The following POPDC1 variants were observed in gnomAD, a reference collection of about 807,000 sequenced individuals.
POPDC1 encodes the protein popeye domain cAMP effector 1, also known as popeye domain-containing protein 1.
the POPDC1 span, among the ~76,000 whole-genome samples, chr6:105,109,132 A>AT: frequency 6.6e-6 from 1 of 151,804 alleles, no homozygotes; most frequent in Non-Finnish European, 1.5e-5. Context: ...TATTTTTTGT[A>AT]TTTTTTGTAG....
At chr6:105,109,592 G>A in the POPDC1 span, among the ~76,000 whole-genome samples, 1 of 151,362 alleles carries the variant, frequency 6.6e-6, no homozygotes, top group Admixed American at 6.6e-5. Flanking sequence ...ACAAAAATTA[G>A]CCAGCCATGG....
the POPDC1 span, chr6:105,136,865 G>C: frequency 1.3e-5 from 2 of 152,208 alleles, no homozygotes; most frequent in Non-Finnish European, 2.9e-5. Context: ...TCCCCGAGGG[G>C]CTGAGATCCA....
At chr6:105,116,842 G>T in the POPDC1 span, 4 of 1,612,232 alleles carry the variant, frequency 2.5e-6, no homozygotes, top group Middle Eastern at 1.7e-4. Flanking sequence ...ATAAAAATCT[G>T]CAGTTATCAT....
At chr6:105,112,983 T>G in the POPDC1 span, among the ~76,000 whole-genome samples, 3 of 151,930 alleles carry the variant, frequency 2.0e-5, no homozygotes, top group African/African-American at 7.3e-5. Flanking sequence ...CAGGCTTCCG[T>G]GCAGTGGCTC....
chr6:105,113,736 C>A, the POPDC1 span, among the ~76,000 whole-genome samples: 2 of 151,818 alleles, frequency 1.3e-5, no homozygotes, highest in East Asian at 3.9e-4. Context: ...GCCTGAAATC[C>A]CAGCACCCGA....
chr6:105,124,605 G>T, the POPDC1 span: 5 of 1,612,764 alleles, frequency 3.1e-6, no homozygotes, highest in Admixed American at 8.3e-5. Flanking sequence ...ATCTATAAAG[G>T]CACAGGGGTA....
chr6:105,126,810 C>T, the POPDC1 span, among the ~76,000 whole-genome samples: 5 of 152,162 alleles, frequency 3.3e-5, no homozygotes, highest in African/African-American at 1.2e-4. Context: ...CACTGCTTCA[C>T]ATTTATATAC....
At chr6:105,134,021 A>C in the POPDC1 span, among the ~76,000 whole-genome samples, 1 of 152,116 alleles carries the variant, frequency 6.6e-6, no homozygotes, top group Non-Finnish European at 1.5e-5. Context: ...ACACAGGAAA[A>C]ATAACTAGAA....
chr6:105,110,125 A>G, the POPDC1 span, among the ~76,000 whole-genome samples: 2 of 152,308 alleles, frequency 1.3e-5, no homozygotes, highest in Admixed American at 1.3e-4. Context: ...TGGGGGAGAC[A>G]TGGTCATATT....
chr6:105,098,548 T>C, the POPDC1 span: 10 of 152,354 alleles, frequency 6.6e-5, no homozygotes, highest in South Asian at 1.9e-3. Flanking sequence ...AACACATGCA[T>C]TACTTTCTAC....
At chr6:105,122,501 G>C in the POPDC1 span, among the ~76,000 whole-genome samples, 1 of 152,154 alleles carries the variant, frequency 6.6e-6, no homozygotes, top group African/African-American at 2.4e-5. Context: ...AGAAAAGATA[G>C]TATATTAGTA....
the POPDC1 span, chr6:105,125,323 C>T: frequency 6.5e-7 from 1 of 1,545,300 alleles, no homozygotes; most frequent in East Asian, 2.3e-5. Flanking sequence ...CTCCCATTCA[C>T]TTCCTTCCCA....
the POPDC1 span, among the ~76,000 whole-genome samples, chr6:105,135,940 A>C: frequency 1.3e-5 from 2 of 152,190 alleles, no homozygotes; most frequent in Non-Finnish European, 2.9e-5. Context: ...ATTTTGACTA[A>C]ATCAAGAGAA....
At chr6:105,115,086 G>A in the POPDC1 span, among the ~76,000 whole-genome samples, 1 of 152,202 alleles carries the variant, frequency 6.6e-6, no homozygotes, top group Non-Finnish European at 1.5e-5. Flanking sequence ...ATTCTGGTGA[G>A]CCACTATTTT....
chr6:105,128,847 T>A, the POPDC1 span, among the ~76,000 whole-genome samples: 1 of 152,230 alleles, frequency 6.6e-6, no homozygotes. Flanking sequence ...CTCTTTCTAT[T>A]CTTGGTATGA....
At chr6:105,103,909 G>A in the POPDC1 span, among the ~76,000 whole-genome samples, 8 of 152,188 alleles carry the variant, frequency 5.3e-5, no homozygotes, top group African/African-American at 1.9e-4. Flanking sequence ...AACTTCCCAA[G>A]AGCTTTCAGC....
At chr6:105,125,479 T>C in the POPDC1 span, 31 of 1,614,092 alleles carry the variant, frequency 1.9e-5, no homozygotes, top group Non-Finnish European at 2.4e-5. Flanking sequence ...GTTTGGATCA[T>C]GCAAAACTGT....
chr6:105,097,186 C>T, the POPDC1 span: 1 of 152,240 alleles, frequency 6.6e-6, no homozygotes, highest in East Asian at 1.9e-4. Flanking sequence ...AGAACCGAAG[C>T]AGTGATTATG....
At chr6:105,102,523 G>T in the POPDC1 span, among the ~76,000 whole-genome samples, 1 of 152,280 alleles carries the variant, frequency 6.6e-6, no homozygotes, top group East Asian at 1.9e-4. Context: ...ACAGGGGGAG[G>T]GAGCATGCAG....
Sources: allele counts gnomAD v4.1 joint callset (sites outside exome capture counted in the v4.1 genomes callset), GRCh38; gene constraint gnomAD v4.1.1; transcripts MANE v1.5; gene names NCBI Gene and HGNC (gene_info 2026-07-23, HGNC 2026-07-21).